EPN2: variants seen among roughly 807,000 people sequenced by gnomAD.
EPN2 encodes the protein epsin-2.
Under a neutral mutation model 61.7 loss-of-function variants are expected in EPN2, and 34 were observed. The ratio of observed to expected loss-of-function variants is 0.55; its 90% confidence interval spans 0.42 to 0.73. The LOEUF (loss-of-function observed/expected upper bound fraction) is 0.73. Among genes scored for constraint, EPN2 ranks in the 30% least tolerant of loss-of-function variants. EPN2 has a pLI of 0.00. For synonymous variants in EPN2, 349 were observed against 353.6 expected, an observed-to-expected ratio of 0.99 and a Z score of 0.15; for missense variants, 714 against 839.2, an observed-to-expected ratio of 0.85 and a Z score of 1.84.
rs551139968 is a variant in EPN2, at chr17:19,303,752, T to A, written c.767-6133T>A. On this transcript the variant is annotated intron_variant, in intron 4 of 10. Transcript: ENST00000314728. ...GGCTGTGGTCATGCTTCATTGCATT[T>A]TTCATTATACACCTTTTTGTCTTTT... The A allele has an allele frequency of 2.0e-5, 3 of 152,380 alleles. No homozygotes were observed. In the South Asian group the frequency reaches 6.2e-4, roughly 32 times the overall value. The allele number at this position is 152,380 out of a possible 1,614,324, so 9.4% of individuals were successfully genotyped here.
At chr17:19,263,699 G>A (rs1597979382) in intron 1 of EPN2, among the ~76,000 whole-genome samples, 1 of 152,200 alleles carries the variant, frequency 6.6e-6, no homozygotes, top group Non-Finnish European at 1.5e-5. Flanking sequence ...GTCAGTGCCT[G>A]GCACATGGTA....
chr17:19,318,208 C>G (rs1041424718), intron 7 of EPN2, among the ~76,000 whole-genome samples: 1 of 152,142 alleles, frequency 6.6e-6, no homozygotes, highest in African/African-American at 2.4e-5. Context: ...ACTCTATGTT[C>G]AAAGCTGTCT....
intron 1 of EPN2, chr17:19,271,481 A>G (rs182128697): frequency 1.3e-5 from 2 of 152,358 alleles, no homozygotes; most frequent in East Asian, 1.9e-4. Context: ...CCCAGAGCCC[A>G]CCTTTGGGAT....
At chr17:19,300,427 C>CTT (rs72338416) in intron 4 of EPN2, among the ~76,000 whole-genome samples, 69,277 of 108,886 alleles carry the variant, frequency 0.64, 24,792 homozygotes, top group African/African-American at 0.83. Context: ...AACTGTAAAT[C>CTT]TTTTTTTTTT....
chr17:19,304,776 G>A (rs1712023937), intron 4 of EPN2, among the ~76,000 whole-genome samples: 1 of 152,186 alleles, frequency 6.6e-6, no homozygotes, highest in Non-Finnish European at 1.5e-5. Flanking sequence ...TGTCAGCGGT[G>A]GGGACAAGAT....
intron 10 of EPN2, among the ~76,000 whole-genome samples, chr17:19,333,634 G>A (rs1678237788): frequency 2.0e-5 from 3 of 152,148 alleles, no homozygotes; most frequent in African/African-American, 7.2e-5. Flanking sequence ...GGTAGCTGAT[G>A]GCTGGTGAAG....
At position 19,336,027 on chromosome 17, in the gene EPN2, A is replaced by G. The variant is rs1407016558; in HGVS notation, c.*1773A>G. 1 of 152,480 alleles carries G rather than the reference A, an allele frequency of 6.6e-6. No individual in the cohort carries two copies. The highest frequency in any genetic ancestry group is 1.5e-5 in the Non-Finnish European group (1 of 68,312). 9.4% of individuals were successfully genotyped at this position (152,480 alleles called of 1,614,324 possible). ...CTGGTTCCAGAAGATTACCCTTCGC[A>G]CCGGCACAGGAGAGATCTTAAATGG... On this transcript the variant is annotated 3_prime_UTR_variant, in exon 11 of 11. Transcript: ENST00000314728.
At chr17:19,325,121 T>C (rs553356495) in intron 7 of EPN2, among the ~76,000 whole-genome samples, 1 of 152,334 alleles carries the variant, frequency 6.6e-6, no homozygotes, top group South Asian at 2.1e-4. Context: ...TTAAAAATCC[T>C]CCCCTTCTGC....
intron 1 of EPN2, among the ~76,000 whole-genome samples, chr17:19,255,570 T>C (rs912230635): frequency 6.7e-6 from 1 of 148,762 alleles, no homozygotes; most frequent in East Asian, 1.9e-4. Flanking sequence ...GTTTTTTTTT[T>C]TTTTTTTTTT....
intron 1 of EPN2, among the ~76,000 whole-genome samples, chr17:19,261,312 A>G (rs898943156): frequency 1.3e-5 from 2 of 152,144 alleles, no homozygotes; most frequent in African/African-American, 4.8e-5. Context: ...ATAATATCTC[A>G]GTATAGTTTT....
At chr17:19,255,557 A>C (rs2045067188) in intron 1 of EPN2, among the ~76,000 whole-genome samples, 1 of 126,590 alleles carries the variant, frequency 7.9e-6, no homozygotes, top group Non-Finnish European at 1.6e-5. Context: ...TCCTCTGGGG[A>C]GAGTTTTTTT....
intron 7 of EPN2, among the ~76,000 whole-genome samples, chr17:19,322,885 C>T (rs902188729): frequency 5.3e-5 from 8 of 150,448 alleles, no homozygotes; most frequent in African/African-American, 1.7e-4. Context: ...CAAGGAGTCT[C>T]CTCTTCACCT....
In EPN2 at chr17:19,319,123, G is replaced by A. The variant is rs558229375; in HGVS notation, c.1147+5844G>A. On this transcript the variant is annotated intron_variant, in intron 7 of 10. Transcript: ENST00000314728. The stretch of plus-strand genomic sequence containing the variant: ...TGAGGCATGAGAATCGCTTGAACCC[G>A]GGAGGCAGAGATTGCAGTGAGCCAA... Among the ~76,000 whole-genome samples, 4 of 151,558 alleles carry A rather than the reference G, an allele frequency of 2.6e-5. No individual in the cohort carries two copies. In the East Asian group the frequency reaches 5.9e-4, roughly 23 times the overall value.
In EPN2 at chr17:19,331,743, G is replaced by A. The variant is rs560196716; in HGVS notation, c.1412-110G>A. On this transcript the variant is annotated intron_variant, in intron 9 of 10. Coordinates refer to ENST00000314728, the MANE Select transcript of EPN2 (RefSeq NM_014964.5). ...CCCATGACTGGCTGTGTGTCGTCAC[G>A]TGGCGCTGTCAGGCAGGCATGTCCC... The A allele has an allele frequency of 1.0e-3, 872 of 872,650 alleles. 7 individuals are homozygous for A. Among genetic ancestry groups the A allele is most frequent in the South Asian group, 9.1e-3 (631 of 68,968 alleles). The allele number at this position is 872,650 out of a possible 1,614,324, so 54.1% of individuals were successfully genotyped here. A position where few individuals can be genotyped will look rare whatever the true frequency, so the allele number is the denominator to read the frequency against.
intron 4 of EPN2, among the ~76,000 whole-genome samples, chr17:19,300,782 G>A (rs936543523): frequency 6.6e-6 from 1 of 152,164 alleles, no homozygotes; most frequent in Non-Finnish European, 1.5e-5. Flanking sequence ...AAGCCAGCAT[G>A]GTGAATTAGC....
chr17:19,281,301 C>T (rs1375403171), intron 1 of EPN2, among the ~76,000 whole-genome samples: 1 of 152,218 alleles, frequency 6.6e-6, no homozygotes, highest in Non-Finnish European at 1.5e-5. Context: ...ACTGCCAGCC[C>T]TCAGTCAATC....
Position 19,282,946 on chromosome 17 carries a change from C to T in EPN2, c.-170-4C>T. ...GCAGTGGAATGGGTTTTCTCTTTCT[C>T]TAGGTCATGGCTTCCAGCTTTTCGA... On this transcript the variant is annotated splice_polypyrimidine_tract_variant and splice_region_variant and intron_variant, in intron 2 of 10. Transcript: ENST00000314728. 1.7e-6 allele frequency: 1 copy of T among 590,152 alleles called. No homozygotes were observed. The highest frequency in any genetic ancestry group is 2.8e-5 in the East Asian group (1 of 35,104). The allele number at this position is 590,152 out of a possible 1,614,324, so 36.6% of individuals were successfully genotyped here.
chr17:19,303,675 GT>G (rs1269563652), intron 4 of EPN2: 2 of 152,362 alleles, frequency 1.3e-5, no homozygotes, highest in East Asian at 3.9e-4. Flanking sequence ...TAACTTTGTG[GT>G]TTGTCCCTGT....
intron 7 of EPN2, among the ~76,000 whole-genome samples, chr17:19,316,924 G>C (rs896585370): frequency 6.6e-6 from 1 of 152,218 alleles, no homozygotes; most frequent in Non-Finnish European, 1.5e-5. Flanking sequence ...GCTAGCTCCT[G>C]CATTCACTGA....
Sources: gnomAD v4.1 joint callset for allele counts (sites outside exome capture counted in the v4.1 genomes callset) on GRCh38, gnomAD v4.1.1 for gene constraint, MANE v1.5 for transcripts, NCBI Gene and HGNC (gene_info 2026-07-23, HGNC 2026-07-21) for gene names.